Variants in DDX10 observed in about 807,000 individuals in gnomAD.
DDX10 encodes the protein DEAD-box helicase 10.
In DDX10, 74 loss-of-function variants were observed where a neutral mutation model predicts 104.3. That is an observed-to-expected ratio of 0.71 (90% CI 0.59 to 0.86). The LOEUF is 0.86. Ranked by LOEUF, DDX10 falls within the 40% of genes least tolerant of loss-of-function variation. The pLI is 0.00. For synonymous variants in DDX10, 351 were observed against 353.4 expected, an observed-to-expected ratio of 0.99 and a Z score of 0.08; for missense variants, 952 against 1,040.0, an observed-to-expected ratio of 0.92 and a Z score of 1.16.
chr11:108,940,329 A>C lies in DDX10; in HGVS notation c.2534A>C (p.Lys845Thr), dbSNP rs1275518543. The change falls in exon 18 of 18, where the codon AAG becomes ACG. Residue 845 changes from lysine to threonine, a missense_variant. Physicochemically the swap from Lys to Thr is moderately conservative, Grantham distance 78. Transcript: ENST00000322536. ...GGACCAACAAGTCATAACAGAAAGAAGGCCAGGTGGGACACTTTAGAGCCT... is the reference window on the plus strand; with the variant it reads ...GGACCAACAAGTCATAACAGAAAGACGGCCAGGTGGGACACTTTAGAGCCT... ...DVGPTSHNRK[K>T]ARWDTLEPLD... 8 of 1,613,994 alleles carry C rather than the reference A, an allele frequency of 5.0e-6. No homozygotes were observed. In the East Asian group the frequency reaches 8.9e-5, roughly 18 times the overall value.
intron 17 of DDX10, chr11:108,918,292 C>G: frequency 3.0e-6 from 1 of 328,278 alleles, no homozygotes; most frequent in East Asian, 4.6e-5. Flanking sequence ...TTTCTCTATT[C>G]TTTTTTTTTT....
chr11:108,914,562 C>A (rs1483347659), intron 16 of DDX10, among the ~76,000 whole-genome samples: 1 of 152,136 alleles, frequency 6.6e-6, no homozygotes, highest in East Asian at 1.9e-4. Context: ...TGTTAGAATA[C>A]AAATTCAGGA....
chr11:108,690,050 T>TAA (rs202225894), intron 7 of DDX10, among the ~76,000 whole-genome samples: 2 of 145,182 alleles, frequency 1.4e-5, no homozygotes, highest in African/African-American at 5.1e-5. Context: ...ACCCTGTCTT[T>TAA]AAAAAAAAAA....
chr11:108,774,962 T>C (rs1451991218), intron 13 of DDX10, among the ~76,000 whole-genome samples: 1 of 152,214 alleles, frequency 6.6e-6, no homozygotes, highest in African/African-American at 2.4e-5. Context: ...GGCAGCATAT[T>C]GACCTTTGGT....
intron 3 of DDX10, 67 bp downstream of exon 3, chr11:108,675,793 A>G (rs182403408): frequency 5.1e-6 from 8 of 1,561,686 alleles, no homozygotes; most frequent in African/African-American, 4.1e-5. Flanking sequence ...GCCCAGATGC[A>G]GATTATATAA....
intron 16 of DDX10, among the ~76,000 whole-genome samples, chr11:108,860,040 G>A (rs904561338): frequency 2.6e-5 from 4 of 151,770 alleles, no homozygotes; most frequent in Admixed American, 2.6e-4. Flanking sequence ...TTCTTGTTTT[G>A]TTTCATAACT....
intron 13 of DDX10, among the ~76,000 whole-genome samples, chr11:108,832,169 A>G (rs967385425): frequency 1.3e-5 from 2 of 151,552 alleles, no homozygotes; most frequent in African/African-American, 4.8e-5. Flanking sequence ...GAATTGAAGT[A>G]TAAAAAGTAA....
chr11:108,893,997 C>T (rs1043204403), intron 16 of DDX10, among the ~76,000 whole-genome samples: 2 of 152,038 alleles, frequency 1.3e-5, no homozygotes, highest in East Asian at 3.9e-4. Flanking sequence ...TAAATGTTCC[C>T]CTATCGAAGT....
chr11:108,934,119 C>G (rs1864007994), intron 17 of DDX10, among the ~76,000 whole-genome samples: 1 of 152,124 alleles, frequency 6.6e-6, no homozygotes, highest in Admixed American at 6.6e-5. Flanking sequence ...GAGGGTGGGT[C>G]AGGGAAGGCT....
chr11:108,784,731 A>G (rs1861763782), intron 13 of DDX10, among the ~76,000 whole-genome samples: 3 of 152,104 alleles, frequency 2.0e-5, no homozygotes, highest in Non-Finnish European at 4.4e-5. Flanking sequence ...TTTTGTTACA[A>G]TTGCTTATGG....
chr11:108,666,438 C>G (rs2094210264), intron 1 of DDX10, among the ~76,000 whole-genome samples: 1 of 152,144 alleles, frequency 6.6e-6, no homozygotes, highest in Non-Finnish European at 1.5e-5. Context: ...CCAGATCGCA[C>G]CATTGCACTC....
chr11:108,914,292 T>C (rs547329599), intron 16 of DDX10, among the ~76,000 whole-genome samples: 1 of 152,310 alleles, frequency 6.6e-6, no homozygotes, highest in African/African-American at 2.4e-5. Context: ...TATATATTAA[T>C]ACACTTGAAT....
At chr11:108,774,567 C>T (rs771625263) in intron 13 of DDX10, among the ~76,000 whole-genome samples, 12 of 151,786 alleles carry the variant, frequency 7.9e-5, no homozygotes, top group Non-Finnish European at 1.5e-4. Context: ...TTTTTCCTTG[C>T]AATTCCTGGA....
chr11:108,699,753 C>T (rs572166078), intron 9 of DDX10, among the ~76,000 whole-genome samples: 17 of 152,238 alleles, frequency 1.1e-4, no homozygotes, highest in Admixed American at 1.1e-3. Context: ...TATAAGCTGC[C>T]TACCACACCC....
At chr11:108,805,952 T>A (rs1262081204) in intron 13 of DDX10, among the ~76,000 whole-genome samples, 6 of 152,258 alleles carry the variant, frequency 3.9e-5, no homozygotes, top group South Asian at 2.1e-4. Flanking sequence ...AAACTTTTTT[T>A]AAAATTTATT....
intron 13 of DDX10, among the ~76,000 whole-genome samples, chr11:108,758,212 C>T (rs1035568819): frequency 6.6e-6 from 1 of 151,964 alleles, no homozygotes; most frequent in Non-Finnish European, 1.5e-5. Flanking sequence ...TTCTCATCAC[C>T]TACTACAGGT....
intron 9 of DDX10, among the ~76,000 whole-genome samples, chr11:108,698,178 T>A (rs1591794750): frequency 6.6e-6 from 1 of 152,176 alleles, no homozygotes; most frequent in African/African-American, 2.4e-5. Flanking sequence ...TCATGGCTGG[T>A]TGTGGGAGAA....
At chr11:108,777,432 C>T (rs767144816) in intron 13 of DDX10, among the ~76,000 whole-genome samples, 4 of 152,032 alleles carry the variant, frequency 2.6e-5, no homozygotes, top group East Asian at 3.9e-4. Context: ...TGGATTCAAG[C>T]GAATCCCAGC....
chr11:108,770,484 C>T (rs1379894064), intron 13 of DDX10, among the ~76,000 whole-genome samples: 1 of 134,138 alleles, frequency 7.5e-6, no homozygotes, highest in Non-Finnish European at 1.6e-5. Flanking sequence ...ATTAACCATC[C>T]CCCCTCCCCC....
Sources: gnomAD v4.1 joint callset for allele counts (sites outside exome capture counted in the v4.1 genomes callset) on GRCh38, gnomAD v4.1.1 for gene constraint, MANE v1.5 for transcripts, NCBI Gene and HGNC (gene_info 2026-07-23, HGNC 2026-07-21) for gene names.